Variants in TAFA2 observed in about 807,000 individuals in gnomAD.
The protein encoded by TAFA2 is TAFA chemokine like family member 2, also known as chemokine-like protein TAFA-2.
Under a neutral mutation model 18.8 loss-of-function variants are expected in TAFA2, and 7 were observed. The observed-to-expected ratio is 0.37, with a 90% confidence interval of 0.21 to 0.70. The LOEUF is 0.70. TAFA2 is among the 30% of genes least tolerant of loss of function. The probability of loss-of-function intolerance (pLI) is 0.53; values close to 1 mark genes in which losing one functional copy is unlikely to be tolerated. For synonymous variants in TAFA2, 60 were observed against 54.2 expected (o/e 1.11, Z -0.47); for missense variants, 122 against 158.1 (o/e 0.77, Z 1.23).
intron 1 of TAFA2, among the ~76,000 whole-genome samples, chr12:61,975,375 A>G (rs1379425950): frequency 1.3e-5 from 2 of 151,680 alleles, no homozygotes; most frequent in Non-Finnish European, 2.9e-5. Context: ...TTTCTTTTAG[A>G]TTCCACATAT....
intron 2 of TAFA2, among the ~76,000 whole-genome samples, chr12:61,783,677 A>G (rs1293362636): frequency 6.6e-6 from 1 of 151,660 alleles, no homozygotes; most frequent in South Asian, 2.1e-4. Flanking sequence ...CCTGCCCTTT[A>G]TACAGGTGAG....
chr12:61,721,228 T>C (rs939458736), intron 4 of TAFA2, among the ~76,000 whole-genome samples: 1 of 152,104 alleles, frequency 6.6e-6, no homozygotes, highest in African/African-American at 2.4e-5. Context: ...TGGGGAGCAT[T>C]CTGCACAAAC....
intron 1 of TAFA2, among the ~76,000 whole-genome samples, chr12:62,164,250 C>A (rs2062424757): frequency 6.6e-6 from 1 of 152,094 alleles, no homozygotes; most frequent in Non-Finnish European, 1.5e-5. Flanking sequence ...GCCAAAGTTT[C>A]ACTTAGTTTC....
intron 2 of TAFA2, among the ~76,000 whole-genome samples, chr12:61,783,503 A>T (rs1870595961): frequency 6.6e-6 from 1 of 151,634 alleles, no homozygotes; most frequent in African/African-American, 2.4e-5. Context: ...TGAATTTGGC[A>T]CAGAGTACAT....
chr12:62,113,817 C>A (rs1869840572), intron 1 of TAFA2, among the ~76,000 whole-genome samples: 1 of 152,202 alleles, frequency 6.6e-6, no homozygotes, highest in African/African-American at 2.4e-5. Context: ...CTACTCAAGC[C>A]TCAGTAGTGC....
At chr12:62,257,160 A>ATGTGTGTGTG (rs1369986100) in intron 1 of TAFA2, among the ~76,000 whole-genome samples, 3 of 2,266 alleles carry the variant, frequency 1.3e-3, no homozygotes, top group Non-Finnish European at 2.5e-3. Context: ...ATATACATAT[A>ATGTGTGTGTG]TATGTGTGTG....
At chr12:62,088,880 T>TTC (rs35124773) in intron 1 of TAFA2, among the ~76,000 whole-genome samples, 3,300 of 149,276 alleles carry the variant, frequency 0.022, 103 homozygotes, top group African/African-American at 0.065. Context: ...ATGTTTTTCT[T>TTC]TCTCTCTCTC....
intron 1 of TAFA2, among the ~76,000 whole-genome samples, chr12:62,217,639 A>T (rs1249307536): frequency 1.3e-5 from 2 of 152,182 alleles, no homozygotes; most frequent in African/African-American, 2.4e-5. Flanking sequence ...CCTTCAAAGT[A>T]GGCCAACTCT....
chr12:61,734,589 T>C (rs907552646), intron 4 of TAFA2, among the ~76,000 whole-genome samples: 4 of 152,042 alleles, frequency 2.6e-5, no homozygotes, highest in African/African-American at 9.7e-5. Flanking sequence ...ATCCCATTTA[T>C]GGCAAACTTG....
intron 4 of TAFA2, among the ~76,000 whole-genome samples, chr12:61,714,832 C>A (rs896643094): frequency 1.3e-5 from 2 of 152,144 alleles, no homozygotes; most frequent in African/African-American, 4.8e-5. Context: ...CCTTGTTCCC[C>A]CTGTTCAAGT....
chr12:62,259,312 T>C (rs2062969173), upstream of TAFA2, among the ~76,000 whole-genome samples: 1 of 152,184 alleles, frequency 6.6e-6, no homozygotes, highest in African/African-American at 2.4e-5. Context: ...TTTTTACATG[T>C]CCATCAGTAC....
At chr12:62,093,283 C>T (rs1336346438) in intron 1 of TAFA2, among the ~76,000 whole-genome samples, 2 of 151,894 alleles carry the variant, frequency 1.3e-5, no homozygotes, top group Non-Finnish European at 2.9e-5. Flanking sequence ...TGATGGAAAG[C>T]AATTTACAAG....
intron 1 of TAFA2, among the ~76,000 whole-genome samples, chr12:61,941,302 C>T (rs939372959): frequency 5.9e-5 from 9 of 152,158 alleles, no homozygotes; most frequent in African/African-American, 2.2e-4. Context: ...AATTAATCTG[C>T]ACTCTTTTTA....
intron 1 of TAFA2, among the ~76,000 whole-genome samples, chr12:62,030,867 G>A (rs909553345): frequency 1.2e-4 from 19 of 152,086 alleles, no homozygotes; most frequent in Non-Finnish European, 2.2e-4. Flanking sequence ...AAGGCTTTGG[G>A]TTTCAGAAGT....
At chr12:62,018,854 C>A (rs1186910679) in intron 1 of TAFA2, among the ~76,000 whole-genome samples, 1 of 152,092 alleles carries the variant, frequency 6.6e-6, no homozygotes, top group Admixed American at 6.5e-5. Flanking sequence ...AGCTTCTGCA[C>A]AGCAAAAGAA....
intron 1 of TAFA2, among the ~76,000 whole-genome samples, chr12:62,090,522 G>C (rs1242863335): frequency 2.6e-5 from 4 of 152,028 alleles, no homozygotes; most frequent in Non-Finnish European, 1.5e-5. Context: ...GAAAGAGAAA[G>C]AGTGCCTCAA....
intron 2 of TAFA2, among the ~76,000 whole-genome samples, chr12:61,805,002 T>C (rs1021590987): frequency 5.9e-5 from 9 of 152,156 alleles, no homozygotes; most frequent in African/African-American, 1.9e-4. Context: ...AGCTTTGCTA[T>C]ACTTATTCAT....
At chr12:61,782,139 C>T (rs994947015) in intron 2 of TAFA2, among the ~76,000 whole-genome samples, 1 of 151,618 alleles carries the variant, frequency 6.6e-6, no homozygotes, top group Non-Finnish European at 1.5e-5. Context: ...TGTCCCTCAA[C>T]CATCTAAATG....
At chr12:62,252,109 C>T (rs553313591) in intron 1 of TAFA2, 1 of 152,414 alleles carries the variant, frequency 6.6e-6, no homozygotes, top group African/African-American at 2.4e-5. Flanking sequence ...CCTTGACTAG[C>T]TCCTCTGCTG....
Sources: allele counts gnomAD v4.1 joint callset (sites outside exome capture counted in the v4.1 genomes callset), GRCh38; gene constraint gnomAD v4.1.1; transcripts MANE v1.5; gene names NCBI Gene and HGNC (gene_info 2026-07-23, HGNC 2026-07-21).